Variants in PSG9 observed in about 807,000 individuals in gnomAD.
The protein encoded by PSG9 is pregnancy-specific beta-1-glycoprotein 9.
In PSG9, 49 loss-of-function variants were observed where a neutral mutation model predicts 41.9. The ratio of observed to expected loss-of-function variants is 1.17; its 90% CI spans 0.93 to 1.48. The LOEUF is 1.48. Ranked by LOEUF, PSG9 falls within the 40% of genes most tolerant of loss-of-function variation. The pLI is 0.00. For missense variants in PSG9, 641 were observed against 520.3 expected (o/e 1.23, Z -2.26); for synonymous variants, 263 against 196.8 (o/e 1.34, Z -2.82).
At chr19:43,256,250 C>A (rs1032950637) in intron 5 of PSG9, among the ~76,000 whole-genome samples, 1 of 146,638 alleles carries the variant, frequency 6.8e-6, no homozygotes, top group African/African-American at 2.6e-5. Flanking sequence ...AACTACACAA[C>A]TCTTAGAAGA....
At chr19:43,267,520 G>A (rs1969028513) in intron 2 of PSG9, among the ~76,000 whole-genome samples, 1 of 152,164 alleles carries the variant, frequency 6.6e-6, no homozygotes, top group South Asian at 2.1e-4. Context: ...GTGCTTGGCT[G>A]AGACTGATCT....
chr19:43,254,466 A>G lies in PSG9; in HGVS notation c.1244-820T>C, dbSNP rs927493799. On this transcript the variant is annotated intron_variant, in intron 5 of 5. Coordinates refer to ENST00000270077, the MANE Select transcript of PSG9 (RefSeq NM_002784.5). ...AGAAAGTACTCTCATTGCAATTTTC[A>G]GGTAAGGAATCAGAGGTTCAGAGAA... is the stretch of plus-strand genomic sequence containing the variant. Among the ~76,000 whole-genome samples, 2 of 146,534 alleles carry G rather than the reference A, an allele frequency of 1.4e-5. 1 individual carries two copies. The highest frequency in any genetic ancestry group is 1.4e-4 in the Admixed American group (2 of 14,690).
At position 43,259,124 on chromosome 19, in the gene PSG9, TG is replaced by T. The variant is rs1968589589; in HGVS notation, c.720del (p.Ile241SerfsTer9). On this transcript the variant is annotated frameshift_variant, in exon 4 of 6. Transcript: ENST00000270077. LOFTEE classifies it high-confidence loss of function. The stretch of plus-strand genomic sequence containing the variant: ...AAGTTGTTGATGGTGATGTAGGGGA[TG>T]GGCAGCTTCGCTGTGTGGATAACAG... ...PVTLNLLPKLPIPYITINNLN... is the reference protein window; with the variant it reads ...PVTLNLLPKLXIPYITINNLN... 6.3e-7 allele frequency: 1 copy of T among 1,590,410 alleles called. No homozygotes were observed. The highest frequency in any genetic ancestry group is 1.7e-5 in the Admixed American group (1 of 58,594).
At chr19:43,259,462 T>A (rs1182785744) in intron 3 of PSG9, 3 of 354,960 alleles carry the variant, frequency 8.5e-6, no homozygotes, top group African/African-American at 6.6e-5. Context: ...TGGCTCACCT[T>A]GGGTTCCTTA....
chr19:43,256,983 T>C (rs1353921855), intron 5 of PSG9, among the ~76,000 whole-genome samples: 2 of 146,822 alleles, frequency 1.4e-5, no homozygotes, highest in African/African-American at 5.2e-5. Context: ...GGTAGGCAAA[T>C]GAGGTGTATC....
rs750620635 is a variant in PSG9 at position 43,258,308 on chromosome 19, G to C, written c.1137C>G (p.Leu379=). Residue 379 remains leucine (L), a synonymous_variant, in exon 5 of 6, where the codon CTC becomes CTG. Coordinates refer to ENST00000270077, the MANE Select transcript of PSG9 (RefSeq NM_002784.5). ...NGKFQQSGQK[L]FIPQITRNHS... is the part of the protein sequence containing the mutation. ...GATTTCTAGTAATTTGGGGGATAAA[G>C]AGCTTTTGTCCTGATTGCTGAAACT... 9.4e-6 allele frequency: 15 copies of C among 1,592,758 alleles called. No individual in the cohort carries two copies. Among genetic ancestry groups the C allele is most frequent in the South Asian group, 5.6e-5 (5 of 89,956 alleles).
intron 5 of PSG9, among the ~76,000 whole-genome samples, chr19:43,256,788 G>T (rs1599816226): frequency 6.8e-6 from 1 of 146,926 alleles, no homozygotes; most frequent in Non-Finnish European, 1.5e-5. Flanking sequence ...GTAAAAAGTG[G>T]TGTGGCTGTT....
chr19:43,257,561 C>G (rs1338642515), intron 5 of PSG9: 1 of 982,250 alleles, frequency 1.0e-6, no homozygotes, highest in Non-Finnish European at 1.2e-6. Context: ...GAGGCTCCCT[C>G]TCTTCTTATT....
intron 5 of PSG9, among the ~76,000 whole-genome samples, chr19:43,255,659 G>A (rs1337913796): frequency 1.4e-5 from 2 of 146,498 alleles, no homozygotes; most frequent in African/African-American, 2.6e-5. Flanking sequence ...CAGTAATGTT[G>A]CACAATACAA....
intron 2 of PSG9, 107 bp from the exon 3 acceptor site, chr19:43,262,245 C>T (rs1297755290): frequency 1.3e-6 from 2 of 1,520,930 alleles, no homozygotes; most frequent in Non-Finnish European, 1.8e-6. Context: ...CAACCCAGTC[C>T]TTAAAAGCCC....
At chr19:43,256,322 AC>A (rs749759520) in intron 5 of PSG9, among the ~76,000 whole-genome samples, 3 of 147,096 alleles carry the variant, frequency 2.0e-5, no homozygotes, top group African/African-American at 5.1e-5. Flanking sequence ...AGCATAGGCA[AC>A]AAATAAAATG....
Position 43,259,122 on chromosome 19 carries a change from G to A in PSG9, c.723C>T (p.Ile241=). The change falls in exon 4 of 6, where the codon ATC becomes ATT. Residue 241 remains isoleucine (I), a synonymous_variant. Coordinates refer to ENST00000270077, the MANE Select transcript of PSG9 (RefSeq NM_002784.5). ...VTLNLLPKLP[I]PYITINNLNP... ...TTAAGTTGTTGATGGTGATGTAGGGGATGGGCAGCTTCGCTGTGTGGATAA... is the reference window on the plus strand; with the variant it reads ...TTAAGTTGTTGATGGTGATGTAGGGAATGGGCAGCTTCGCTGTGTGGATAA... 3 of 1,590,558 alleles carry A rather than the reference G, an allele frequency of 1.9e-6. No homozygotes were observed. The highest frequency in any genetic ancestry group is 2.6e-6 in the Non-Finnish European group (3 of 1,174,304).
intron 1 of PSG9, among the ~76,000 whole-genome samples, chr19:43,268,706 T>C (rs574790062): frequency 6.6e-6 from 1 of 152,250 alleles, no homozygotes; most frequent in Admixed American, 6.5e-5. Flanking sequence ...CTCCTGTAGA[T>C]GTGAGAGTTC....
At position 43,253,591 on chromosome 19, in the gene PSG9, G is replaced by A. The variant is rs1968344307; in HGVS notation, c.*18C>T. 1 of 769,054 alleles carries A rather than the reference G, an allele frequency of 1.3e-6. No homozygotes were observed. Among genetic ancestry groups the A allele is most frequent in the Non-Finnish European group, 2.3e-6 (1 of 444,054 alleles). 47.6% of individuals were successfully genotyped at this position (769,054 alleles called of 1,614,324 possible). ...AGGTATCAGCCTGTTCTTTTTCTCAGTGTCTCAGTTGTTGCAGTCATGACT... is the reference window on the plus strand; with the variant it reads ...AGGTATCAGCCTGTTCTTTTTCTCAATGTCTCAGTTGTTGCAGTCATGACT... On this transcript the variant is annotated 3_prime_UTR_variant, in exon 6 of 6. Transcript: ENST00000270077.
chr19:43,260,395 C>A (rs2122523367), intron 3 of PSG9: 1 of 147,392 alleles, frequency 6.8e-6, no homozygotes, highest in East Asian at 2.3e-4. Context: ...CATCCCAAAT[C>A]TGAAAGATTC....
rs796816561 is a variant in PSG9 at position 43,256,073 on chromosome 19, G to A, written c.1243+2129C>T. On this transcript the variant is annotated intron_variant, in intron 5 of 5. Transcript: ENST00000270077. ...TTTGAAGAGGAAGAATGAAGCTGGA[G>A]GACTCACACTTCCTGATTTCAGCAT... Among the ~76,000 whole-genome samples the A allele has an allele frequency of 3.4e-5, 5 of 146,620 alleles. 1 individual carries two copies. The highest frequency in any genetic ancestry group is 1.3e-4 in the African/African-American group (5 of 38,710).
chr19:43,254,132 T>G (rs1174632372), intron 5 of PSG9, among the ~76,000 whole-genome samples: 1 of 145,932 alleles, frequency 6.9e-6, no homozygotes, highest in Admixed American at 6.8e-5. Context: ...AGGTAGGTAC[T>G]GTTGAGGTGC....
In PSG9 at chr19:43,259,083, A is replaced by C. The variant is rs752064913; in HGVS notation, c.762T>G (p.Asn254Lys). 2.8e-5 allele frequency: 45 copies of C among 1,590,462 alleles called. 4 individuals carry two copies. The highest frequency in any genetic ancestry group is 2.4e-4 in the Admixed American group (14 of 58,624). ...ITINNLNPRE[N>K]KDVLAFTCEP... The stretch of plus-strand genomic sequence containing the variant: ...CACAGGTGAAGGCTAAGACATCCTT[A>C]TTCTCCCTGGGGTTTAAGTTGTTGA... The change falls in exon 4 of 6, where the codon AAT (asparagine) becomes AAG (lysine). Residue 254 changes from asparagine to lysine, a missense_variant. Physicochemically the swap from Asn to Lys is moderately conservative, Grantham distance 94 (BLOSUM62 0). Coordinates refer to ENST00000270077, the MANE Select transcript of PSG9 (RefSeq NM_002784.5).
chr19:43,257,225 G>C (rs1968472993), intron 5 of PSG9: 1 of 333,876 alleles, frequency 3.0e-6, no homozygotes, highest in South Asian at 1.2e-4. Flanking sequence ...CTGTTTATTG[G>C]GTACAGAGGT....
Sources: allele counts gnomAD v4.1 joint callset (sites outside exome capture counted in the v4.1 genomes callset), GRCh38; gene constraint gnomAD v4.1.1; transcripts MANE v1.5; gene names NCBI Gene and HGNC (gene_info 2026-07-23, HGNC 2026-07-21).